RIMS1: variants seen among roughly 807,000 people sequenced by gnomAD.
RIMS1 encodes regulating synaptic membrane exocytosis protein 1.
In RIMS1, 83 loss-of-function variants were observed where a neutral mutation model predicts 214.1. The ratio of observed to expected loss-of-function variants is 0.39; its 90% CI spans 0.32 to 0.47. The LOEUF is 0.47. Ranked by LOEUF, RIMS1 falls within the 20% of genes least tolerant of loss-of-function variation. The pLI, the probability that RIMS1 is intolerant of heterozygous loss-of-function variation, is 0.99. For missense variants in RIMS1, 2,050 were observed against 2,161.8 expected, an observed-to-expected ratio of 0.95 and a Z score of 1.03; for synonymous variants, 793 against 786.8, an observed-to-expected ratio of 1.01 and a Z score of -0.13.
At chr6:72,303,231 A>G (rs1304386223) in intron 26 of RIMS1, among the ~76,000 whole-genome samples, 3 of 150,892 alleles carry the variant, frequency 2.0e-5, no homozygotes, top group African/African-American at 7.2e-5. Flanking sequence ...AAAATTTTAA[A>G]TGATGGATTA....
chr6:72,193,253 T>C (rs1385360352), intron 6 of RIMS1, among the ~76,000 whole-genome samples: 3 of 152,202 alleles, frequency 2.0e-5, no homozygotes, highest in South Asian at 4.1e-4. Flanking sequence ...CTGGAGACTT[T>C]GGTTACCATT....
chr6:71,966,956 T>C (rs1794625232), intron 1 of RIMS1, among the ~76,000 whole-genome samples: 1 of 152,260 alleles, frequency 6.6e-6, no homozygotes, highest in African/African-American at 2.4e-5. Flanking sequence ...AGATTTGTTT[T>C]ATTTGAAAGC....
chr6:72,260,781 T>G lies in RIMS1; in HGVS notation c.3116+14T>G. 6.2e-7 allele frequency: 1 copy of G among 1,611,432 alleles called. No individual in the cohort carries two copies. The highest frequency in any genetic ancestry group is 1.1e-5 in the South Asian group (1 of 90,706). ...ACATACTACCAGGTAAATACAGGGA[T>G]TTGGTAATGGTGACTGTGTGTGATG... On this transcript the variant is annotated intron_variant, in intron 19 of 33. Coordinates refer to ENST00000521978, the MANE Select transcript of RIMS1 (RefSeq NM_014989.7).
chr6:72,097,611 G>A (rs2153804950), intron 3 of RIMS1, among the ~76,000 whole-genome samples: 1 of 152,284 alleles, frequency 6.6e-6, no homozygotes, highest in South Asian at 2.1e-4. Context: ...TAGCCTCTAT[G>A]AGAGTAAATT....
At chr6:72,206,851 C>G (rs938535773) in intron 6 of RIMS1, among the ~76,000 whole-genome samples, 2 of 152,212 alleles carry the variant, frequency 1.3e-5, no homozygotes, top group Non-Finnish European at 2.9e-5. Context: ...CCCATCTGCA[C>G]TACCTTTCAG....
chr6:72,353,905 G>A (rs765162629), intron 29 of RIMS1, among the ~76,000 whole-genome samples: 1 of 152,092 alleles, frequency 6.6e-6, no homozygotes, highest in Non-Finnish European at 1.5e-5. Context: ...AGTAACTGGG[G>A]GTTGGCAGAG....
intron 29 of RIMS1, among the ~76,000 whole-genome samples, chr6:72,363,789 T>C (rs1019107437): frequency 6.6e-6 from 1 of 152,240 alleles, no homozygotes. Context: ...ATACAGGCAT[T>C]TCAGGCATCA....
intron 2 of RIMS1, among the ~76,000 whole-genome samples, chr6:72,074,054 G>T (rs1050176295): frequency 6.6e-6 from 1 of 151,986 alleles, no homozygotes; most frequent in Non-Finnish European, 1.5e-5. Context: ...TCTGAGAAGG[G>T]ATCCATAAAC....
At chr6:71,923,175 T>A (rs761133551) in intron 1 of RIMS1, among the ~76,000 whole-genome samples, 2 of 152,238 alleles carry the variant, frequency 1.3e-5, no homozygotes, top group Non-Finnish European at 2.9e-5. Context: ...TAGGTTTCTA[T>A]ATTTAAAACA....
intron 24 of RIMS1, among the ~76,000 whole-genome samples, chr6:72,288,762 A>G (rs567601499): frequency 2.6e-5 from 4 of 152,140 alleles, no homozygotes; most frequent in East Asian, 3.9e-4. Context: ...TTGCTACCAC[A>G]TTCCTTTCTT....
At position 72,242,301 on chromosome 6, in the gene RIMS1, T is replaced by A; in HGVS notation, c.1958-13T>A. On this transcript the variant is annotated splice_polypyrimidine_tract_variant and intron_variant, in intron 9 of 33. Transcript: ENST00000521978. ...ATATAAGGTAAAAAAATACCCTTTTTTTTAAATTCAAGGGGATGAAGTTCT... is the reference window on the plus strand; with the variant it reads ...ATATAAGGTAAAAAAATACCCTTTTATTTAAATTCAAGGGGATGAAGTTCT... 1 of 1,539,892 alleles carries A rather than the reference T, an allele frequency of 6.5e-7. No individual in the cohort carries two copies. The highest frequency in any genetic ancestry group is 8.8e-7 in the Non-Finnish European group (1 of 1,139,542).
At chr6:72,260,375 TA>T (rs556691328) in intron 18 of RIMS1, among the ~76,000 whole-genome samples, 115 of 152,180 alleles carry the variant, frequency 7.6e-4, no homozygotes, top group African/African-American at 2.3e-3. Context: ...TTTATAGTAT[TA>T]AAAAAATACT....
intron 4 of RIMS1, among the ~76,000 whole-genome samples, chr6:72,175,044 A>G (rs2047516645): frequency 6.6e-6 from 1 of 151,948 alleles, no homozygotes; most frequent in Admixed American, 6.6e-5. Flanking sequence ...ACTCTTTTCT[A>G]CCCTCTCATC....
At chr6:72,217,254 T>G (rs756719715) in intron 6 of RIMS1, 10 of 1,527,958 alleles carry the variant, frequency 6.5e-6, no homozygotes, top group Non-Finnish European at 7.9e-6. Flanking sequence ...GTAAACTAAA[T>G]TATATTAATC....
intron 1 of RIMS1, among the ~76,000 whole-genome samples, chr6:71,942,199 G>A (rs150641043): frequency 2.0e-5 from 3 of 152,262 alleles, no homozygotes; most frequent in Non-Finnish European, 4.4e-5. Context: ...GACTCCGTGT[G>A]TAAGGCCAGT....
intron 23 of RIMS1, among the ~76,000 whole-genome samples, chr6:72,276,129 T>G (rs1486077420): frequency 2.0e-5 from 3 of 152,104 alleles, no homozygotes; most frequent in Non-Finnish European, 4.4e-5. Flanking sequence ...GCACACACAG[T>G]CTGTGAGCCC....
intron 4 of RIMS1, among the ~76,000 whole-genome samples, chr6:72,102,018 G>T (rs1178778743): frequency 6.6e-6 from 1 of 151,880 alleles, no homozygotes; most frequent in Non-Finnish European, 1.5e-5. Context: ...TTCATTAAAA[G>T]CCCTCCTTGA....
intron 4 of RIMS1, chr6:72,148,570 C>T (rs751732469): frequency 1.5e-5 from 7 of 456,566 alleles, no homozygotes; most frequent in Admixed American, 7.1e-5. Flanking sequence ...CCTTGAGTTC[C>T]CTATACCTCA....
chr6:71,895,968 C>T (rs1244785302), intron 1 of RIMS1, among the ~76,000 whole-genome samples: 1 of 152,088 alleles, frequency 6.6e-6, no homozygotes, highest in African/African-American at 2.4e-5. Context: ...TTATATTTCA[C>T]ACAGCTTAGC....
Sources: allele counts gnomAD v4.1 joint callset (sites outside exome capture counted in the v4.1 genomes callset), GRCh38; gene constraint gnomAD v4.1.1; transcripts MANE v1.5; gene names NCBI Gene and HGNC (gene_info 2026-07-23, HGNC 2026-07-21).